Variants in FRYL observed in about 807,000 individuals in gnomAD.
The protein encoded by FRYL is FRY like transcription coactivator, also known as protein furry homolog-like.
A neutral mutation model predicts 351.2 loss-of-function variants in FRYL; 150 were observed. The ratio of observed to expected loss-of-function variants is 0.43; its 90% CI spans 0.37 to 0.49. The LOEUF (loss-of-function observed/expected upper bound fraction) is 0.49, where lower values mean the gene tolerates loss of function less well. Among genes scored for constraint, FRYL ranks in the 20% least tolerant of loss-of-function variants. The pLI is 0.00. For missense variants in FRYL, 3,036 were observed against 3,619.3 expected (o/e 0.84, Z 4.13); for synonymous variants, 1,153 against 1,257.1 (o/e 0.92, Z 1.75).
At chr4:48,603,506 C>A (rs1398842937) in intron 11 of FRYL, 118 bp from the exon 12 acceptor site, 1 of 679,796 alleles carries the variant, frequency 1.5e-6, no homozygotes, top group African/African-American at 1.8e-5. Context: ...GAGACTCTCA[C>A]TGAAGTACTA....
intron 1 of FRYL, among the ~76,000 whole-genome samples, chr4:48,757,226 T>C (rs998983486): frequency 2.6e-5 from 4 of 152,182 alleles, no homozygotes; most frequent in African/African-American, 7.2e-5. Context: ...ATATTCAACA[T>C]AGTGTTGGAA....
At position 48,586,605 on chromosome 4, in the gene FRYL, A is replaced by G. The variant is rs759134198; in HGVS notation, c.1748+16T>C. On this transcript the variant is annotated intron_variant, in intron 19 of 63. Coordinates refer to ENST00000358350, the MANE Select transcript of FRYL (RefSeq NM_015030.2). ...GAAGACATAAAACAATATAGCAAAC[A>G]GTAATTCTCATTTACCTTGCTAACA... 5 of 1,512,638 alleles carry G rather than the reference A, an allele frequency of 3.3e-6. 1 individual carries two copies. The highest frequency in any genetic ancestry group is 4.6e-6 in the Non-Finnish European group (5 of 1,088,390). 93.7% of individuals were successfully genotyped at this position (1,512,638 alleles called of 1,614,324 possible).
intron 3 of FRYL, 104 bp from the exon 4 acceptor site, chr4:48,634,594 G>A: frequency 1.4e-6 from 1 of 731,634 alleles, no homozygotes; most frequent in Non-Finnish European, 2.2e-6. Flanking sequence ...CCCTCAACCA[G>A]TTCTCCCAAT....
chr4:48,680,321 T>C (rs1764421907), intron 3 of FRYL, among the ~76,000 whole-genome samples: 1 of 152,034 alleles, frequency 6.6e-6, no homozygotes, highest in Non-Finnish European at 1.5e-5. Context: ...AAGCATTTTT[T>C]CATCTTTTTC....
chr4:48,753,462 A>G (rs1298095191), intron 1 of FRYL, among the ~76,000 whole-genome samples: 1 of 152,168 alleles, frequency 6.6e-6, no homozygotes, highest in Non-Finnish European at 1.5e-5. Context: ...TTCATATACC[A>G]TAAAATTCAC....
chr4:48,579,273 C>T, intron 22 of FRYL, 32 bp from the exon 23 acceptor site: 1 of 1,532,946 alleles, frequency 6.5e-7, no homozygotes, highest in Non-Finnish European at 8.8e-7. Flanking sequence ...GATTATTACA[C>T]ATTTCAATAA....
At chr4:48,586,362 A>G (rs969311484) in intron 19 of FRYL, among the ~76,000 whole-genome samples, 11 of 152,122 alleles carry the variant, frequency 7.2e-5, no homozygotes, top group Admixed American at 2.6e-4. Flanking sequence ...AGGAAAGAAT[A>G]CTAGATGGAA....
chr4:48,744,100 T>C (rs541195001), intron 1 of FRYL, among the ~76,000 whole-genome samples: 1 of 152,062 alleles, frequency 6.6e-6, no homozygotes, highest in African/African-American at 2.4e-5. Flanking sequence ...TTACTAAGAA[T>C]GTTAAGAAAG....
intron 3 of FRYL, among the ~76,000 whole-genome samples, chr4:48,636,051 T>C (rs1754166708): frequency 6.6e-6 from 1 of 152,164 alleles, no homozygotes; most frequent in African/African-American, 2.4e-5. Context: ...ATATCTAAAA[T>C]AAACATCTTT....
chr4:48,581,644 A>G, intron 20 of FRYL, 39 bp from the exon 21 acceptor site: 1 of 1,503,462 alleles, frequency 6.7e-7, no homozygotes, highest in Non-Finnish European at 9.0e-7. Context: ...ATAAAAATAT[A>G]TGCACAGACA....
In FRYL at chr4:48,609,884, ATCAAT is replaced by A. The variant is rs534896364; in HGVS notation, c.412-66_412-62del. The A allele has an allele frequency of 1.7e-3, 1,330 of 790,086 alleles. 2 individuals are homozygous for A. Among genetic ancestry groups the A allele is most frequent in the Non-Finnish European group, 2.3e-3 (1,139 of 491,564 alleles). The allele number at this position is 790,086 out of a possible 1,614,324, so 48.9% of individuals were successfully genotyped here. Reference sequence around the variant, plus strand: ...TTATTGGTTTTTTATGAGTATTCTCATCAATTCAACTAATTAAATCAATAATCAAT... The same window carrying A: ...TTATTGGTTTTTTATGAGTATTCTCATCAACTAATTAAATCAATAATCAAT... On this transcript the variant is annotated intron_variant, in intron 7 of 63. Coordinates refer to ENST00000358350, the MANE Select transcript of FRYL (RefSeq NM_015030.2).
At chr4:48,627,422 G>A (rs1198503361) in intron 4 of FRYL, among the ~76,000 whole-genome samples, 1 of 152,116 alleles carries the variant, frequency 6.6e-6, no homozygotes, top group African/African-American at 2.4e-5. Context: ...GAATAAGAGA[G>A]AGTGATAAAC....
At chr4:48,507,810 A>T (rs1315182176) in intron 59 of FRYL, among the ~76,000 whole-genome samples, 2 of 152,196 alleles carry the variant, frequency 1.3e-5, no homozygotes, top group Non-Finnish European at 2.9e-5. Context: ...GTCTCTGTGC[A>T]GTCTCGCCTT....
intron 4 of FRYL, among the ~76,000 whole-genome samples, chr4:48,627,290 T>C (rs1752030123): frequency 1.3e-5 from 2 of 152,122 alleles, no homozygotes; most frequent in South Asian, 4.1e-4. Context: ...TTGACTTATT[T>C]GATCCCCCCT....
At chr4:48,616,624 C>G (rs537679284) in intron 7 of FRYL, among the ~76,000 whole-genome samples, 1 of 152,192 alleles carries the variant, frequency 6.6e-6, no homozygotes, top group Non-Finnish European at 1.5e-5. Context: ...TAGAGTCCTT[C>G]ATACATTTTG....
intron 49 of FRYL, 126 bp from the exon 50 acceptor site, chr4:48,531,479 A>G (rs1408185328): frequency 3.0e-6 from 2 of 655,932 alleles, no homozygotes; most frequent in Non-Finnish European, 5.2e-6. Flanking sequence ...CATTTTGAAG[A>G]TCCTTAATGA....
At chr4:48,757,039 G>C (rs1341424038) in intron 1 of FRYL, among the ~76,000 whole-genome samples, 2 of 152,188 alleles carry the variant, frequency 1.3e-5, no homozygotes, top group Non-Finnish European at 1.5e-5. Context: ...AGGGAAAGCA[G>C]GCTCAAGCTG....
chr4:48,599,629 A>C (rs1745300664), intron 13 of FRYL, among the ~76,000 whole-genome samples: 1 of 152,206 alleles, frequency 6.6e-6, no homozygotes, highest in African/African-American at 2.4e-5. Context: ...TTCAGAAGTA[A>C]AATGGTGGAC....
intron 61 of FRYL, among the ~76,000 whole-genome samples, chr4:48,502,124 C>T (rs1468870812): frequency 6.6e-6 from 1 of 151,066 alleles, no homozygotes; most frequent in African/African-American, 2.4e-5. Flanking sequence ...TCAACAAATG[C>T]TTGATAAAGC....
Sources: allele counts gnomAD v4.1 joint callset (sites outside exome capture counted in the v4.1 genomes callset), GRCh38; gene constraint gnomAD v4.1.1; transcripts MANE v1.5; gene names NCBI Gene and HGNC (gene_info 2026-07-23, HGNC 2026-07-21).